The following ZMIZ1 variants were observed in gnomAD, a reference collection of about 807,000 sequenced individuals.
ZMIZ1 encodes the protein zinc finger MIZ-type containing 1.
In ZMIZ1, 17 loss-of-function variants were observed where a neutral mutation model predicts 113.9. The ratio of observed to expected loss-of-function variants is 0.15; its 90% CI spans 0.10 to 0.22. ZMIZ1 has a LOEUF of 0.22. Among genes scored for constraint, ZMIZ1 ranks in the 10% least tolerant of loss-of-function variants. The pLI, the probability that ZMIZ1 is intolerant of heterozygous loss-of-function variation, is 1.00. For missense variants in ZMIZ1, 1,059 were observed against 1,477.8 expected, an observed-to-expected ratio of 0.72 and a Z score of 4.65; for synonymous variants, 607 against 603.1, an observed-to-expected ratio of 1.01 and a Z score of -0.09.
In ZMIZ1 at chr10:79,127,219, G is replaced by A. The variant is rs116909508; in HGVS notation, c.-227+8195G>A. Among the ~76,000 whole-genome samples, 197 of 152,308 alleles carry A rather than the reference G, an allele frequency of 1.3e-3. 9 individuals are homozygous for A. In the East Asian group the frequency reaches 0.032, roughly 25 times the overall value. On this transcript the variant is annotated intron_variant, in intron 2 of 24. Transcript: ENST00000334512. ...GCCAGGCATGCTGCCGGCGCTCTGGGTGCCTGGTGCCCTCTCCAGGTGTGG... is the reference window on the plus strand; with the variant it reads ...GCCAGGCATGCTGCCGGCGCTCTGGATGCCTGGTGCCCTCTCCAGGTGTGG...
intron 7 of ZMIZ1, among the ~76,000 whole-genome samples, chr10:79,229,554 T>TG (rs1292323865): frequency 6.6e-6 from 1 of 152,148 alleles, no homozygotes; most frequent in Admixed American, 6.5e-5. Context: ...CAGGAATTAC[T>TG]GGGGGGAAAC....
chr10:79,207,127 T>C (rs1016594459), intron 5 of ZMIZ1, among the ~76,000 whole-genome samples: 7 of 152,216 alleles, frequency 4.6e-5, no homozygotes, highest in Non-Finnish European at 7.3e-5. Context: ...CTGCCAATTC[T>C]GGGCCCTGCG....
intron 1 of ZMIZ1, among the ~76,000 whole-genome samples, chr10:79,117,413 T>G (rs1224513099): frequency 6.6e-6 from 1 of 152,206 alleles, no homozygotes; most frequent in Non-Finnish European, 1.5e-5. Flanking sequence ...GCTTTTTGAG[T>G]CAACATTGTG....
chr10:79,265,694 A>G (rs1452503870), intron 7 of ZMIZ1, among the ~76,000 whole-genome samples: 2 of 151,952 alleles, frequency 1.3e-5, no homozygotes, highest in Non-Finnish European at 1.5e-5. Flanking sequence ...CAGGGTCACC[A>G]GAGTCCAACT....
chr10:79,232,075 G>C (rs1347254229), intron 7 of ZMIZ1, among the ~76,000 whole-genome samples: 3 of 152,196 alleles, frequency 2.0e-5, no homozygotes, highest in African/African-American at 7.2e-5. Flanking sequence ...CTGCTCTCCT[G>C]CTTTAGAGCT....
At chr10:79,086,855 G>A (rs1040236904) in intron 1 of ZMIZ1, among the ~76,000 whole-genome samples, 1 of 151,928 alleles carries the variant, frequency 6.6e-6, no homozygotes, top group Admixed American at 6.6e-5. Flanking sequence ...TAAAACTAGG[G>A]TTTCCTGAAT....
intron 4 of ZMIZ1, among the ~76,000 whole-genome samples, chr10:79,183,760 A>C (rs1435657607): frequency 6.6e-6 from 1 of 152,112 alleles, no homozygotes; most frequent in Non-Finnish European, 1.5e-5. Context: ...AAAACAAATC[A>C]ATATTTGCAG....
rs558145999 is a variant in ZMIZ1, at chr10:79,187,793, G to T, written c.-49-13791G>T. ...CGGTGCAGAGCTGACCCAGGGCAGC[G>T]CCTGGAGAATGAATGAACCCAAGGG... On this transcript the variant is annotated intron_variant, in intron 4 of 24. Coordinates refer to ENST00000334512, the MANE Select transcript of ZMIZ1 (RefSeq NM_020338.4). 4.6e-5 allele frequency among the ~76,000 whole-genome samples: 7 copies of T among 152,316 alleles called. No individual in the cohort carries two copies. The East Asian group carries it at 1.4e-3, about 29-fold the overall frequency.
intron 7 of ZMIZ1, among the ~76,000 whole-genome samples, chr10:79,275,273 T>G (rs1423937212): frequency 6.6e-6 from 1 of 152,214 alleles, no homozygotes; most frequent in African/African-American, 2.4e-5. Flanking sequence ...AGAGTGTCTC[T>G]TCTCTCATAC....
chr10:79,300,163 G>A (rs1408976498), intron 16 of ZMIZ1, among the ~76,000 whole-genome samples: 1 of 152,250 alleles, frequency 6.6e-6, no homozygotes, highest in Non-Finnish European at 1.5e-5. Context: ...CTGCCTGCCT[G>A]CACCCTGCTC....
At chr10:79,188,378 G>T (rs930733231) in intron 4 of ZMIZ1, among the ~76,000 whole-genome samples, 3 of 152,160 alleles carry the variant, frequency 2.0e-5, no homozygotes, top group African/African-American at 7.2e-5. Flanking sequence ...AGTGTTCTGG[G>T]CCGCTCTTCC....
intron 7 of ZMIZ1, 141 bp from the exon 8 acceptor site, chr10:79,277,040 T>C: frequency 9.3e-7 from 1 of 1,076,706 alleles, no homozygotes; most frequent in South Asian, 2.0e-5. Flanking sequence ...CCAAGAGGGC[T>C]GAGTAAGTCT....
chr10:79,154,409 AG>A (rs748792218), intron 3 of ZMIZ1, among the ~76,000 whole-genome samples: 7 of 152,138 alleles, frequency 4.6e-5, no homozygotes, highest in Non-Finnish European at 8.8e-5. Flanking sequence ...TCAGAAGCAT[AG>A]GGCCAGGTGG....
At chr10:79,070,250 G>C (rs2132140267) in intron 1 of ZMIZ1, among the ~76,000 whole-genome samples, 1 of 152,078 alleles carries the variant, frequency 6.6e-6, no homozygotes, top group African/African-American at 2.4e-5. Context: ...CGCGGGCAGC[G>C]GGCGCGCGTC....
At chr10:79,272,775 A>G (rs1250546) in intron 7 of ZMIZ1, among the ~76,000 whole-genome samples, 55,416 of 152,064 alleles carry the variant, frequency 0.36, 10,619 homozygotes, top group East Asian at 0.46. Context: ...ACTTTAGACG[A>G]GTTGGGTGGT....
At chr10:79,211,828 C>G in intron 6 of ZMIZ1, among the ~76,000 whole-genome samples, 1 of 152,322 alleles carries the variant, frequency 6.6e-6, no homozygotes, top group South Asian at 2.1e-4. Flanking sequence ...CCCTCTCCCT[C>G]CCGTGGGCTT....
intron 3 of ZMIZ1, among the ~76,000 whole-genome samples, chr10:79,158,408 G>A (rs569884668): frequency 5.3e-5 from 8 of 152,292 alleles, no homozygotes; most frequent in African/African-American, 1.9e-4. Flanking sequence ...AGGAGCTGGG[G>A]GCTTAGAGAA....
chr10:79,217,603 A>G (rs543442378), intron 7 of ZMIZ1, among the ~76,000 whole-genome samples: 20 of 152,372 alleles, frequency 1.3e-4, no homozygotes, highest in African/African-American at 4.6e-4. Context: ...TGGAGTGTAT[A>G]TAGACACAGC....
intron 4 of ZMIZ1, among the ~76,000 whole-genome samples, chr10:79,198,132 G>A (rs995611315): frequency 3.3e-5 from 5 of 152,106 alleles, no homozygotes; most frequent in African/African-American, 9.6e-5. Flanking sequence ...GGTGGTGGGC[G>A]CCTGTAGTCC....
Sources: allele counts gnomAD v4.1 joint callset (sites outside exome capture counted in the v4.1 genomes callset), GRCh38; gene constraint gnomAD v4.1.1; transcripts MANE v1.5; gene names NCBI Gene and HGNC (gene_info 2026-07-23, HGNC 2026-07-21).